GRID1: variants seen among roughly 807,000 people sequenced by gnomAD.
GRID1 encodes glutamate ionotropic receptor delta type subunit 1.
GRID1 carries 28 observed loss-of-function variants against 98.0 expected under a neutral mutation model. The ratio of observed to expected loss-of-function variants is 0.29; its 90% confidence interval spans 0.21 to 0.39. The LOEUF (loss-of-function observed/expected upper bound fraction) is 0.39, where lower values mean the gene tolerates loss of function less well. Ranked by LOEUF, GRID1 falls within the 10% of genes least tolerant of loss-of-function variation. The probability of loss-of-function intolerance (pLI) is 1.00; values close to 1 mark genes in which losing one functional copy is unlikely to be tolerated. For synonymous variants in GRID1, 553 were observed against 538.5 expected (o/e 1.03, Z -0.37); for missense variants, 1,111 against 1,340.5 (o/e 0.83, Z 2.67).
At chr10:85,905,226 AT>A (rs904150537) in intron 5 of GRID1, among the ~76,000 whole-genome samples, 1 of 152,126 alleles carries the variant, frequency 6.6e-6, no homozygotes, top group African/African-American at 2.4e-5. Flanking sequence ...GTAAGGCAAC[AT>A]TTTTAAAGTA....
chr10:86,234,299 C>A (rs1846501702), intron 2 of GRID1, among the ~76,000 whole-genome samples: 2 of 152,202 alleles, frequency 1.3e-5, no homozygotes, highest in Admixed American at 1.3e-4. Context: ...TCGGGCACGT[C>A]TGCCCCCAGC....
chr10:85,861,514 G>A (rs1267943225), intron 6 of GRID1, among the ~76,000 whole-genome samples: 1 of 152,206 alleles, frequency 6.6e-6, no homozygotes, highest in Non-Finnish European at 1.5e-5. Context: ...AACACAGGAA[G>A]GCTCAGAGAG....
At chr10:85,692,214 T>C (rs773579693) in intron 12 of GRID1, among the ~76,000 whole-genome samples, 1 of 152,130 alleles carries the variant, frequency 6.6e-6, no homozygotes, top group Non-Finnish European at 1.5e-5. Context: ...CCAACCCTAC[T>C]ATGTGCTAAG....
At chr10:85,685,633 T>C (rs893145595) in intron 12 of GRID1, among the ~76,000 whole-genome samples, 1 of 152,062 alleles carries the variant, frequency 6.6e-6, no homozygotes, top group African/African-American at 2.4e-5. Flanking sequence ...GACGTGGATA[T>C]AATAGTTACA....
At chr10:86,025,960 C>T (rs535362382) in intron 4 of GRID1, among the ~76,000 whole-genome samples, 1 of 152,316 alleles carries the variant, frequency 6.6e-6, no homozygotes, top group East Asian at 1.9e-4. Context: ...CCTTCTGTGC[C>T]CTGGGGCAGG....
intron 4 of GRID1, among the ~76,000 whole-genome samples, chr10:86,064,750 C>A (rs1180038323): frequency 6.6e-6 from 1 of 152,220 alleles, no homozygotes; most frequent in East Asian, 1.9e-4. Context: ...CACTTCCCCA[C>A]TCAGAGCATC....
At chr10:85,750,341 A>T (rs577242722) in intron 8 of GRID1, among the ~76,000 whole-genome samples, 218 of 152,324 alleles carry the variant, frequency 1.4e-3, no homozygotes, top group African/African-American at 5.0e-3. Context: ...TCACCTGATC[A>T]TCAGCTGTGA....
At chr10:85,762,362 T>C (rs999580395) in intron 8 of GRID1, among the ~76,000 whole-genome samples, 2 of 152,240 alleles carry the variant, frequency 1.3e-5, no homozygotes, top group African/African-American at 4.8e-5. Flanking sequence ...AATAATGTAA[T>C]TTATAATAAC....
intron 15 of GRID1, among the ~76,000 whole-genome samples, chr10:85,603,921 A>G (rs1188371974): frequency 6.6e-6 from 1 of 152,216 alleles, no homozygotes; most frequent in Non-Finnish European, 1.5e-5. Context: ...TAAGAAATGT[A>G]GAAGCCCTGA....
chr10:85,904,018 T>C (rs1348231752), intron 5 of GRID1, among the ~76,000 whole-genome samples: 2 of 152,218 alleles, frequency 1.3e-5, no homozygotes, highest in Non-Finnish European at 2.9e-5. Context: ...CTTTTTGCCT[T>C]ACATGATTGT....
intron 8 of GRID1, among the ~76,000 whole-genome samples, chr10:85,772,073 G>T (rs11498990): frequency 0.022 from 3,322 of 151,820 alleles, 114 homozygotes; most frequent in African/African-American, 0.076. Context: ...TAGTTGGAAG[G>T]AGAGCTCTCC....
At chr10:85,697,312 A>C (rs1841405322) in intron 12 of GRID1, among the ~76,000 whole-genome samples, 1 of 149,290 alleles carries the variant, frequency 6.7e-6, no homozygotes, top group East Asian at 1.9e-4. Flanking sequence ...TTGTGCATAA[A>C]TATTTAGACA....
At chr10:86,347,357 A>T (rs751666931) in intron 2 of GRID1, among the ~76,000 whole-genome samples, 53 of 151,736 alleles carry the variant, frequency 3.5e-4, no homozygotes, top group Admixed American at 5.9e-4. Context: ...ACCCCCATCT[A>T]CCGTGCCTCT....
At chr10:86,152,055 C>T (rs778893924) in intron 3 of GRID1, among the ~76,000 whole-genome samples, 2 of 152,210 alleles carry the variant, frequency 1.3e-5, no homozygotes, top group African/African-American at 2.4e-5. Flanking sequence ...TGAGGATGTA[C>T]TAGGAACAGC....
intron 8 of GRID1, among the ~76,000 whole-genome samples, chr10:85,731,962 GAA>G (rs200205078): frequency 0.078 from 11,811 of 151,296 alleles, 1,021 homozygotes; most frequent in African/African-American, 0.21. Flanking sequence ...AAGGAAAAAG[GAA>G]AAAGGAAAGG....
rs540930238 is a variant in GRID1, at chr10:85,701,074, T to G, written c.1997+21929A>C. On this transcript the variant is annotated intron_variant, in intron 12 of 15. Coordinates refer to ENST00000327946, the MANE Select transcript of GRID1 (RefSeq NM_017551.3). Reference sequence around the variant, plus strand: ...CCATTTTTTAAAATCTGGGGCATCATGTATCATGAACCAGGGAAGGCTGCT... The same window carrying G: ...CCATTTTTTAAAATCTGGGGCATCAGGTATCATGAACCAGGGAAGGCTGCT... 3.9e-5 allele frequency among the ~76,000 whole-genome samples: 6 copies of G among 152,310 alleles called. No homozygotes were observed. The South Asian group carries it at 1.2e-3, about 32-fold the overall frequency.
At chr10:85,620,748 T>A (rs1842849138) in intron 13 of GRID1, among the ~76,000 whole-genome samples, 1 of 152,224 alleles carries the variant, frequency 6.6e-6, no homozygotes, top group Non-Finnish European at 1.5e-5. Context: ...CACATGCCTG[T>A]ACACACATGC....
chr10:85,865,946 C>CAA (rs1843214554), intron 6 of GRID1, among the ~76,000 whole-genome samples: 1 of 75,354 alleles, frequency 1.3e-5, no homozygotes, highest in African/African-American at 5.6e-5. Context: ...TATATATACA[C>CAA]ATATATATGG....
At chr10:85,928,346 C>T (rs1038310209) in intron 4 of GRID1, among the ~76,000 whole-genome samples, 2 of 152,140 alleles carry the variant, frequency 1.3e-5, no homozygotes, top group Admixed American at 6.5e-5. Flanking sequence ...ATCACAGGAG[C>T]GGACAGGGAT....
Sources: allele counts gnomAD v4.1 joint callset (sites outside exome capture counted in the v4.1 genomes callset), GRCh38; gene constraint gnomAD v4.1.1; transcripts MANE v1.5; gene names NCBI Gene and HGNC (gene_info 2026-07-23, HGNC 2026-07-21).